The following NSMCE2 variants were observed in gnomAD, a reference collection of about 807,000 sequenced individuals.
NSMCE2 encodes NSE2 SUMO ligase component of SMC5/6 complex.
NSMCE2 carries 24 observed loss-of-function variants against 23.8 expected under a neutral mutation model. The observed-to-expected ratio is 1.01, with a 90% CI of 0.73 to 1.42. The LOEUF (loss-of-function observed/expected upper bound fraction) is 1.42. NSMCE2 is among the 40% of genes most tolerant of loss of function. The pLI is 0.00. For synonymous variants in NSMCE2, 92 were observed against 94.1 expected (o/e 0.98, Z 0.13); for missense variants, 284 against 296.5 (o/e 0.96, Z 0.31).
rs1174718163 is a variant in NSMCE2, at chr8:125,257,522, C to CT, written c.418+75293dup. ...CCAAGCTGGACAAAACCAAATTTCT[C>CT]TTTTTTTTTTTTTTTTTTTTTTTTT... On this transcript the variant is annotated intron_variant, in intron 5 of 7. Coordinates refer to ENST00000287437, the MANE Select transcript of NSMCE2 (RefSeq NM_173685.4). 2.1e-3 allele frequency among the ~76,000 whole-genome samples: 175 copies of CT among 84,622 alleles called. 6 individuals carry two copies. The highest frequency in any genetic ancestry group is 2.8e-3 in the Non-Finnish European group (129 of 45,406). The allele number at this position is 84,622 out of a possible 152,430, so 55.5% of individuals were successfully genotyped here.
chr8:125,359,544 G>C (rs1206440270), intron 7 of NSMCE2, among the ~76,000 whole-genome samples: 1 of 151,914 alleles, frequency 6.6e-6, no homozygotes, highest in East Asian at 1.9e-4. Flanking sequence ...TGTTGGCCAG[G>C]CTGGTCTCAA....
chr8:125,256,697 G>A (rs910548418), intron 5 of NSMCE2, among the ~76,000 whole-genome samples: 33 of 151,840 alleles, frequency 2.2e-4, no homozygotes, highest in East Asian at 9.8e-4. Flanking sequence ...AGGCCGAGGC[G>A]GGTGGATCAT....
intron 7 of NSMCE2, among the ~76,000 whole-genome samples, chr8:125,359,127 C>T (rs1170954981): frequency 1.3e-5 from 2 of 151,538 alleles, no homozygotes; most frequent in Non-Finnish European, 2.9e-5. Context: ...ATTAGCCGGG[C>T]GTGGTGGCAG....
chr8:125,139,814 G>A (rs1196540167), intron 3 of NSMCE2, among the ~76,000 whole-genome samples: 2 of 152,062 alleles, frequency 1.3e-5, no homozygotes, highest in African/African-American at 4.8e-5. Context: ...ATTTTATAGT[G>A]GAAATTTTGT....
In NSMCE2 at chr8:125,363,876, A is replaced by G. The variant is rs562966783; in HGVS notation, c.627-2892A>G. Among the ~76,000 whole-genome samples the G allele has an allele frequency of 5.3e-5, 8 of 152,280 alleles. No individual in the cohort carries two copies. The South Asian group carries it at 1.0e-3, about 20-fold the overall frequency. On this transcript the variant is annotated intron_variant, in intron 7 of 7. Transcript: ENST00000287437. The stretch of plus-strand genomic sequence containing the variant: ...CCAAATCACCCTGATCCTCTTTCAT[A>G]TAATTGCCTTTCTGTAATTATGATT...
At chr8:125,213,573 C>G (rs1430922702) in intron 5 of NSMCE2, among the ~76,000 whole-genome samples, 1 of 131,986 alleles carries the variant, frequency 7.6e-6, no homozygotes, top group African/African-American at 2.8e-5. Flanking sequence ...CCCTCCCCCT[C>G]CCCTCTTTCC....
At chr8:125,345,828 G>A (rs958001770) in intron 5 of NSMCE2, among the ~76,000 whole-genome samples, 7 of 152,212 alleles carry the variant, frequency 4.6e-5, no homozygotes, top group South Asian at 2.1e-4. Context: ...CTTACTCTGG[G>A]CCAACTAGCG....
intron 5 of NSMCE2, among the ~76,000 whole-genome samples, chr8:125,200,212 CATT>C (rs1184366809): frequency 6.6e-6 from 1 of 152,156 alleles, no homozygotes; most frequent in African/African-American, 2.4e-5. Flanking sequence ...TTGATCCTGT[CATT>C]ATGATGTTAG....
intron 5 of NSMCE2, among the ~76,000 whole-genome samples, chr8:125,232,947 G>A (rs959445620): frequency 8.5e-5 from 13 of 152,166 alleles, no homozygotes; most frequent in Admixed American, 6.5e-5. Context: ...ATTTTCATAT[G>A]ATGGTGACCA....
At chr8:125,168,458 A>C (rs1227126967) in intron 4 of NSMCE2, among the ~76,000 whole-genome samples, 4 of 152,250 alleles carry the variant, frequency 2.6e-5, no homozygotes, top group Non-Finnish European at 5.9e-5. Flanking sequence ...ATAAACCAGT[A>C]GCTTATGAAC....
chr8:125,248,829 A>G (rs1461018306), intron 5 of NSMCE2, among the ~76,000 whole-genome samples: 1 of 152,250 alleles, frequency 6.6e-6, no homozygotes, highest in Non-Finnish European at 1.5e-5. Context: ...ATATGGAGAC[A>G]CAGAGGATCA....
chr8:125,342,425 G>A (rs1182010525), intron 5 of NSMCE2, among the ~76,000 whole-genome samples: 1 of 152,136 alleles, frequency 6.6e-6, no homozygotes, highest in Non-Finnish European at 1.5e-5. Flanking sequence ...TGTGTCCTAA[G>A]CTGATCCTGA....
At chr8:125,341,857 A>G (rs573707417) in intron 5 of NSMCE2, among the ~76,000 whole-genome samples, 1 of 139,034 alleles carries the variant, frequency 7.2e-6, no homozygotes, top group East Asian at 2.3e-4. Flanking sequence ...ACCCTTTAGG[A>G]TCGAGAGTCC....
chr8:125,282,506 A>T (rs757893963), intron 5 of NSMCE2, among the ~76,000 whole-genome samples: 4 of 152,262 alleles, frequency 2.6e-5, no homozygotes, highest in Non-Finnish European at 2.9e-5. Context: ...CATATGGTTG[A>T]TGCATCGCAT....
chr8:125,186,446 C>T lies in NSMCE2; in HGVS notation c.418+4190C>T, dbSNP rs1823109383. On this transcript the variant is annotated intron_variant, in intron 5 of 7. Transcript: ENST00000287437. ...GAATACCATCCATTTGTCTCAAGTA[C>T]ATTCAGAACACTTTGAGGATTCACT... Among the ~76,000 whole-genome samples, 3 of 152,076 alleles carry T rather than the reference C, an allele frequency of 2.0e-5. No individual in the cohort carries two copies. In the South Asian group the frequency reaches 6.2e-4, roughly 32 times the overall value.
intron 4 of NSMCE2, among the ~76,000 whole-genome samples, chr8:125,177,774 TG>T (rs1372828565): frequency 6.6e-6 from 1 of 152,244 alleles, no homozygotes; most frequent in African/African-American, 2.4e-5. Flanking sequence ...TCCTTTCTTC[TG>T]TAGCATTCCT....
intron 1 of NSMCE2, among the ~76,000 whole-genome samples, chr8:125,093,025 T>G (rs891501974): frequency 6.6e-6 from 1 of 152,208 alleles, no homozygotes; most frequent in South Asian, 2.1e-4. Flanking sequence ...GGTAAAATCC[T>G]TCTTGGTTGA....
At chr8:125,092,430 T>C (rs1196081534) in intron 1 of NSMCE2, among the ~76,000 whole-genome samples, 2 of 152,224 alleles carry the variant, frequency 1.3e-5, no homozygotes, top group East Asian at 3.8e-4. Flanking sequence ...AGGAATTGCT[T>C]TATATGCAAT....
At chr8:125,325,492 A>G (rs4870936) in intron 5 of NSMCE2, among the ~76,000 whole-genome samples, 66,791 of 151,746 alleles carry the variant, frequency 0.44, 16,979 homozygotes, top group East Asian at 0.55. Flanking sequence ...TGGAACCACA[A>G]GCACATACCA....
Sources: gnomAD v4.1 joint callset for allele counts (sites outside exome capture counted in the v4.1 genomes callset) on GRCh38, gnomAD v4.1.1 for gene constraint, MANE v1.5 for transcripts, NCBI Gene and HGNC (gene_info 2026-07-23, HGNC 2026-07-21) for gene names.